ACYP2: variants seen among roughly 807,000 people sequenced by gnomAD.
ACYP2 encodes acylphosphatase 2.
ACYP2 carries 12 observed loss-of-function variants against 11.2 expected under a neutral mutation model. The ratio of observed to expected loss-of-function variants is 1.08; its 90% CI spans 0.69 to 1.74. ACYP2 has a LOEUF of 1.74. Among genes scored for constraint, ACYP2 ranks in the 40% most tolerant of loss-of-function variants. The pLI is 0.00. For missense variants in ACYP2, 134 were observed against 101.9 expected (o/e 1.31, Z -1.35); for synonymous variants, 43 against 32.2 (o/e 1.33, Z -1.13).
intron 6 of ACYP2, among the ~76,000 whole-genome samples, chr2:54,205,129 C>T (rs1387394064): frequency 2.6e-5 from 4 of 152,140 alleles, no homozygotes; most frequent in African/African-American, 9.7e-5. Context: ...TTGCTAAGTC[C>T]CTTAAATGTC....
At chr2:54,102,361 T>A (rs1678941115) in intron 4 of ACYP2, among the ~76,000 whole-genome samples, 1 of 152,142 alleles carries the variant, frequency 6.6e-6, no homozygotes, top group Non-Finnish European at 1.5e-5. Flanking sequence ...AAGCAAATAA[T>A]GAGATTTATT....
chr2:54,178,828 CTT>C (rs1243678818), intron 6 of ACYP2, among the ~76,000 whole-genome samples: 1 of 152,188 alleles, frequency 6.6e-6, no homozygotes, highest in Non-Finnish European at 1.5e-5. Flanking sequence ...TAACCATGAA[CTT>C]TTCAGTTCTG....
At chr2:54,206,483 G>A (rs755257205) in intron 6 of ACYP2, among the ~76,000 whole-genome samples, 7 of 152,202 alleles carry the variant, frequency 4.6e-5, no homozygotes, top group Non-Finnish European at 1.0e-4. Flanking sequence ...TAGGTTGCCT[G>A]TCACTTTGCT....
At chr2:54,017,939 A>G (rs1673788590) in intron 2 of ACYP2, among the ~76,000 whole-genome samples, 1 of 151,826 alleles carries the variant, frequency 6.6e-6, no homozygotes, top group African/African-American at 2.4e-5. Context: ...GCCTCATGTG[A>G]TCCTGCCTCC....
intron 6 of ACYP2, among the ~76,000 whole-genome samples, chr2:54,200,839 C>T (rs1232656722): frequency 6.6e-6 from 1 of 150,812 alleles, no homozygotes; most frequent in East Asian, 2.0e-4. Flanking sequence ...AGGCTGTTTT[C>T]CAAAAGTGTC....
intron 2 of ACYP2, among the ~76,000 whole-genome samples, chr2:54,005,514 AT>A (rs1673019329): frequency 6.6e-6 from 1 of 151,854 alleles, no homozygotes; most frequent in Non-Finnish European, 1.5e-5. Flanking sequence ...TAATTTTTGT[AT>A]TTTTAGTAGA....
At chr2:54,084,778 G>A (rs564508543) in intron 4 of ACYP2, 3 of 152,332 alleles carry the variant, frequency 2.0e-5, no homozygotes, top group African/African-American at 7.2e-5. Flanking sequence ...CCGGGGCTTT[G>A]TCCTAGTCAG....
At chr2:54,018,198 T>A (rs1259625881) in intron 2 of ACYP2, among the ~76,000 whole-genome samples, 1 of 152,200 alleles carries the variant, frequency 6.6e-6, no homozygotes, top group Non-Finnish European at 1.5e-5. Flanking sequence ...TAAGTAAGCA[T>A]CAGTATCACC....
intron 2 of ACYP2, among the ~76,000 whole-genome samples, chr2:54,037,634 T>C (rs983808515): frequency 4.0e-5 from 6 of 151,662 alleles, no homozygotes; most frequent in African/African-American, 9.7e-5. Flanking sequence ...TCTTGAACTC[T>C]TGGCCTCAAG....
chr2:54,274,841 C>T (rs553021575), intron 6 of ACYP2, among the ~76,000 whole-genome samples: 7 of 152,240 alleles, frequency 4.6e-5, no homozygotes, highest in Non-Finnish European at 7.4e-5. Flanking sequence ...CAGCCATGCA[C>T]GGTTTCTCCA....
intron 2 of ACYP2, among the ~76,000 whole-genome samples, chr2:54,046,312 C>G (rs1212275732): frequency 6.6e-6 from 1 of 151,694 alleles, no homozygotes; most frequent in African/African-American, 2.4e-5. Flanking sequence ...AACCCTGTCC[C>G]TACTGAAAAT....
At chr2:54,111,471 T>C (rs1239109156) in intron 4 of ACYP2, among the ~76,000 whole-genome samples, 1 of 147,490 alleles carries the variant, frequency 6.8e-6, no homozygotes, top group Non-Finnish European at 1.5e-5. Flanking sequence ...TAATATTAAA[T>C]TGGACTGTGA....
chr2:54,019,982 G>C (rs1462208854), intron 2 of ACYP2, among the ~76,000 whole-genome samples: 1 of 151,742 alleles, frequency 6.6e-6, no homozygotes, highest in Non-Finnish European at 1.5e-5. Context: ...TCACTCTTTT[G>C]CCAATGCTGG....
At chr2:54,039,399 C>T (rs757971388) in intron 2 of ACYP2, among the ~76,000 whole-genome samples, 34 of 151,858 alleles carry the variant, frequency 2.2e-4, no homozygotes, top group Non-Finnish European at 4.1e-4. Flanking sequence ...TCAAGCGATC[C>T]TCCCGCCTCA....
At chr2:54,046,320 AAT>A (rs765603770) in intron 2 of ACYP2, among the ~76,000 whole-genome samples, 2 of 151,916 alleles carry the variant, frequency 1.3e-5, no homozygotes, top group Admixed American at 6.6e-5. Flanking sequence ...CCCTACTGAA[AAT>A]ACAAAAATTA....
chr2:54,177,100 C>T (rs1398778283), intron 6 of ACYP2, among the ~76,000 whole-genome samples: 5 of 152,164 alleles, frequency 3.3e-5, no homozygotes, highest in African/African-American at 1.2e-4. Context: ...AAATATTTTG[C>T]TGGGTAGTCT....
intron 4 of ACYP2, among the ~76,000 whole-genome samples, chr2:54,092,082 G>A (rs1678265053): frequency 1.3e-5 from 2 of 152,096 alleles, no homozygotes; most frequent in African/African-American, 4.8e-5. Context: ...GGAGTTGGAG[G>A]ACCCAAAGAT....
rs115384861 is a variant in ACYP2, at chr2:54,240,517, C to T, written c.405-64171C>T. Among the ~76,000 whole-genome samples the T allele has an allele frequency of 3.5e-3, 528 of 152,294 alleles. 4 individuals carry two copies. Among genetic ancestry groups the T allele is most frequent in the African/African-American group, 0.012 (494 of 41,550 alleles). On this transcript the variant is annotated intron_variant, in intron 6 of 6. Transcript: ENST00000607452. ...TGGGAAGGGCTGTCTCTAACCGGAG[C>T]TCCTGTACCACCCCTAAAGATATCA... is the stretch of plus-strand genomic sequence containing the variant.
intron 4 of ACYP2, among the ~76,000 whole-genome samples, chr2:54,099,859 A>G (rs1351347454): frequency 1.3e-5 from 2 of 152,182 alleles, no homozygotes; most frequent in Non-Finnish European, 2.9e-5. Flanking sequence ...ATTGCTTGAG[A>G]AACCTACATA....
Sources: allele counts gnomAD v4.1 joint callset (sites outside exome capture counted in the v4.1 genomes callset), GRCh38; gene constraint gnomAD v4.1.1; transcripts MANE v1.5; gene names NCBI Gene and HGNC (gene_info 2026-07-23, HGNC 2026-07-21).